CSMD1: variants seen among roughly 807,000 people sequenced by gnomAD.
The protein encoded by CSMD1 is CUB and sushi domain-containing protein 1.
Under a neutral mutation model 417.5 loss-of-function variants are expected in CSMD1, and 213 were observed. That is an observed-to-expected ratio of 0.51 (90% confidence interval 0.46 to 0.57). The LOEUF is 0.57. Ranked by LOEUF, CSMD1 falls within the 20% of genes least tolerant of loss-of-function variation. The pLI, the probability that CSMD1 is intolerant of heterozygous loss-of-function variation, is 0.00. For missense variants in CSMD1, 6,923 were observed against 4,529.7 expected, an observed-to-expected ratio of 1.53 and a Z score of -15.17; for synonymous variants, 2,862 against 1,736.8, an observed-to-expected ratio of 1.65 and a Z score of -16.11.
chr8:3,306,588 T>C (rs1294811577), intron 25 of CSMD1, among the ~76,000 whole-genome samples: 3 of 152,130 alleles, frequency 2.0e-5, no homozygotes, highest in Non-Finnish European at 4.4e-5. Context: ...GCCTGGGACA[T>C]GCAGATTAAG....
intron 5 of CSMD1, among the ~76,000 whole-genome samples, chr8:3,864,799 G>A (rs1257458516): frequency 2.0e-5 from 3 of 151,920 alleles, no homozygotes; most frequent in Non-Finnish European, 4.4e-5. Flanking sequence ...AGCTCTTCAG[G>A]GTCTAAAGAG....
At chr8:4,041,308 C>G (rs1226973217) in intron 3 of CSMD1, among the ~76,000 whole-genome samples, 1 of 152,098 alleles carries the variant, frequency 6.6e-6, no homozygotes. Flanking sequence ...TGAGCCACCG[C>G]GCCTGGCCGG....
intron 5 of CSMD1, among the ~76,000 whole-genome samples, chr8:3,956,438 G>GT (rs1811952376): frequency 1.3e-5 from 2 of 152,256 alleles, no homozygotes; most frequent in South Asian, 4.2e-4. Flanking sequence ...CCACTATGCT[G>GT]TTGCCTTGTG....
At chr8:3,388,172 T>C (rs1434257874) in intron 17 of CSMD1, among the ~76,000 whole-genome samples, 1 of 152,300 alleles carries the variant, frequency 6.6e-6, no homozygotes, top group South Asian at 2.1e-4. Flanking sequence ...AATTAAAAAC[T>C]GTGCTAGTGT....
At chr8:4,380,455 G>C (rs1208084787) in intron 3 of CSMD1, among the ~76,000 whole-genome samples, 5 of 152,106 alleles carry the variant, frequency 3.3e-5, no homozygotes, top group South Asian at 4.1e-4. Flanking sequence ...TTTACCAGTC[G>C]GCCTCCAATC....
At position 3,793,953 on chromosome 8, in the gene CSMD1, C is replaced by T. The variant is rs115304533; in HGVS notation, c.819-39911G>A. Among the ~76,000 whole-genome samples, 839 of 152,248 alleles carry T rather than the reference C, an allele frequency of 5.5e-3. 6 individuals are homozygous for T. Among genetic ancestry groups the T allele is most frequent in the African/African-American group, 0.019 (771 of 41,562 alleles). On this transcript the variant is annotated intron_variant, in intron 5 of 69. Transcript: ENST00000635120. ...ACTCTCCCCCAGAGCTGGGTAAATG[C>T]TGCTATGTGTAATAAATGGTTCTTC... is the stretch of plus-strand genomic sequence containing the variant.
intron 48 of CSMD1, among the ~76,000 whole-genome samples, chr8:3,090,150 T>TA (rs1484929466): frequency 3.3e-5 from 5 of 151,360 alleles, no homozygotes; most frequent in Non-Finnish European, 7.4e-5. Flanking sequence ...CCGACTCTAC[T>TA]AAAAAAATAC....
chr8:3,856,324 G>T (rs73172282), intron 5 of CSMD1, among the ~76,000 whole-genome samples: 1 of 152,114 alleles, frequency 6.6e-6, no homozygotes, highest in Non-Finnish European at 1.5e-5. Flanking sequence ...TCTTGAGGCT[G>T]CCCCAGAAGC....
intron 12 of CSMD1, among the ~76,000 whole-genome samples, chr8:3,412,347 T>G (rs1184508435): frequency 6.6e-6 from 1 of 152,066 alleles, no homozygotes; most frequent in Non-Finnish European, 1.5e-5. Context: ...CTAATCAAGC[T>G]GTCAGTTTTG....
chr8:3,320,801 A>C (rs1198525113), intron 23 of CSMD1, among the ~76,000 whole-genome samples: 1 of 152,166 alleles, frequency 6.6e-6, no homozygotes. Flanking sequence ...TTAATAACCT[A>C]AGCCACCCGC....
intron 12 of CSMD1, among the ~76,000 whole-genome samples, chr8:3,460,633 G>C (rs1464918840): frequency 2.0e-5 from 3 of 152,190 alleles, no homozygotes; most frequent in Non-Finnish European, 4.4e-5. Flanking sequence ...GGATGGGATA[G>C]AAGGATATTT....
At chr8:3,548,217 G>T (rs1157985851) in intron 10 of CSMD1, among the ~76,000 whole-genome samples, 3 of 152,192 alleles carry the variant, frequency 2.0e-5, no homozygotes, top group African/African-American at 7.2e-5. Flanking sequence ...CACAAGGGCT[G>T]ATGGAGCCAT....
intron 39 of CSMD1, 110 bp from the exon 40 acceptor site, chr8:3,151,623 A>G: frequency 1.5e-6 from 1 of 673,392 alleles, no homozygotes; most frequent in Non-Finnish European, 2.6e-6. Context: ...CTTCGGAGTT[A>G]ATTCTGCCCC....
chr8:4,083,842 G>A (rs1286723792), intron 3 of CSMD1, among the ~76,000 whole-genome samples: 1 of 152,100 alleles, frequency 6.6e-6, no homozygotes, highest in African/African-American at 2.4e-5. Flanking sequence ...TTGACAAATG[G>A]GATCTAATTA....
intron 3 of CSMD1, among the ~76,000 whole-genome samples, chr8:4,167,788 G>C (rs912428998): frequency 2.6e-5 from 4 of 152,096 alleles, no homozygotes; most frequent in Admixed American, 2.6e-4. Context: ...TCAGGAGTTT[G>C]AGACTAGCCT....
intron 5 of CSMD1, among the ~76,000 whole-genome samples, chr8:3,951,228 C>T (rs991366314): frequency 8.5e-5 from 13 of 152,134 alleles, no homozygotes; most frequent in African/African-American, 2.7e-4. Context: ...ACTGCACAGG[C>T]GGGCACGGGT....
rs146461868 is a variant in CSMD1, at chr8:3,892,772, C to T, written c.818+105131G>A. On this transcript the variant is annotated intron_variant, in intron 5 of 69. Transcript: ENST00000635120. ...GCATTATGAAGTTATTGCTAGCCAT[C>T]GTAGGACAATTTGGACAGTCTTCTA... Among the ~76,000 whole-genome samples, 271 of 135,694 alleles carry T rather than the reference C, an allele frequency of 2.0e-3. 3 individuals are homozygous for T. The highest frequency in any genetic ancestry group is 7.1e-3 in the African/African-American group (253 of 35,502). The allele number at this position is 135,694 out of a possible 152,430, so 89.0% of individuals were successfully genotyped here.
intron 5 of CSMD1, among the ~76,000 whole-genome samples, chr8:3,993,979 C>A (rs984789618): frequency 2.0e-5 from 3 of 152,076 alleles, no homozygotes; most frequent in Non-Finnish European, 2.9e-5. Flanking sequence ...GATGGGTTCA[C>A]AGGGGCAAAC....
chr8:3,751,295 T>C (rs542746251), intron 6 of CSMD1, among the ~76,000 whole-genome samples: 2 of 117,438 alleles, frequency 1.7e-5, no homozygotes, highest in East Asian at 2.6e-4. Flanking sequence ...ATATATACAA[T>C]TGAAGTGTGT....
Sources: allele counts gnomAD v4.1 joint callset (sites outside exome capture counted in the v4.1 genomes callset), GRCh38; gene constraint gnomAD v4.1.1; transcripts MANE v1.5; gene names NCBI Gene and HGNC (gene_info 2026-07-23, HGNC 2026-07-21).